SLC5A12: variants seen among roughly 807,000 people sequenced by gnomAD.
The protein encoded by SLC5A12 is solute carrier family 5 member 12, also known as sodium-coupled monocarboxylate transporter 2.
Under a neutral mutation model 72.7 loss-of-function variants are expected in SLC5A12, and 46 were observed. That is an observed-to-expected ratio of 0.63 (90% confidence interval 0.50 to 0.81). The LOEUF is 0.81. Among genes scored for constraint, SLC5A12 ranks in the 30% least tolerant of loss-of-function variants. The pLI, the probability that SLC5A12 is intolerant of heterozygous loss-of-function variation, is 0.00. For synonymous variants in SLC5A12, 275 were observed against 264.4 expected (o/e 1.04, Z -0.39); for missense variants, 683 against 740.7 (o/e 0.92, Z 0.90).
In SLC5A12 at chr11:26,683,853, A is replaced by G; in HGVS notation, c.1222-10T>C. On this transcript the variant is annotated splice_polypyrimidine_tract_variant and intron_variant, in intron 10 of 14. Coordinates refer to ENST00000396005, the MANE Select transcript of SLC5A12 (RefSeq NM_178498.4). ...GAATGCTGAGGGAAGCCTGTGGAAC[A>G]AAGGCAGACCAGATGAATCCCCTAC... 1 of 1,584,248 alleles carries G rather than the reference A, an allele frequency of 6.3e-7. No homozygotes were observed. The highest frequency in any genetic ancestry group is 1.2e-5 in the South Asian group (1 of 86,728).
intron 8 of SLC5A12, among the ~76,000 whole-genome samples, chr11:26,696,202 C>T (rs1451839032): frequency 1.3e-5 from 2 of 152,196 alleles, no homozygotes; most frequent in Admixed American, 6.5e-5. Flanking sequence ...AAAGCAAACT[C>T]TATATAAGTG....
rs144084496 is a variant in SLC5A12, at chr11:26,683,932, A to T, written c.1222-89T>A. 5.0e-6 allele frequency: 5 copies of T among 998,582 alleles called. No individual in the cohort carries two copies. In the South Asian group the frequency reaches 5.6e-5, roughly 11 times the overall value. The allele number at this position is 998,582 out of a possible 1,614,324, so 61.9% of individuals were successfully genotyped here. ...ATACCTCTCTTGGACCTGGGATAAT[A>T]TTGGGTCCTAGTCCTGACTGTGCCA... On this transcript the variant is annotated intron_variant, in intron 10 of 14. Transcript: ENST00000396005.
chr11:26,686,335 C>A, intron 10 of SLC5A12, 142 bp downstream of exon 10: 1 of 639,734 alleles, frequency 1.6e-6, no homozygotes, highest in African/African-American at 1.8e-5. Flanking sequence ...ATTGATTTTA[C>A]ATGCATTTTA....
At chr11:26,694,364 G>A (rs1854757095) in intron 8 of SLC5A12, among the ~76,000 whole-genome samples, 1 of 152,068 alleles carries the variant, frequency 6.6e-6, no homozygotes, top group Non-Finnish European at 1.5e-5. Context: ...TCTTTCATGG[G>A]GGATATAATC....
intron 6 of SLC5A12, among the ~76,000 whole-genome samples, chr11:26,701,853 G>C (rs10047424): frequency 8.4e-4 from 127 of 152,028 alleles, no homozygotes; most frequent in African/African-American, 2.9e-3. Context: ...TGGCCTTCTC[G>C]AGGCATTACT....
chr11:26,695,643 G>A (rs1045933312), intron 8 of SLC5A12, among the ~76,000 whole-genome samples: 3 of 152,054 alleles, frequency 2.0e-5, no homozygotes, highest in Non-Finnish European at 2.9e-5. Flanking sequence ...CCTTAACCTA[G>A]GTCAATTGGC....
chr11:26,698,946 A>G (rs4131958), intron 6 of SLC5A12, among the ~76,000 whole-genome samples: 140,357 of 152,178 alleles, frequency 0.92, 64,872 homozygotes, highest in Middle Eastern at 0.98. Flanking sequence ...TTTTCCAGAG[A>G]GATAATGAGC....
intron 8 of SLC5A12, among the ~76,000 whole-genome samples, chr11:26,693,315 G>T (rs865994596): frequency 3.3e-5 from 5 of 152,158 alleles, no homozygotes; most frequent in African/African-American, 1.2e-4. Context: ...ACATAAAAAG[G>T]AGCTGTTACA....
chr11:26,693,879 T>C (rs193256511), intron 8 of SLC5A12, among the ~76,000 whole-genome samples: 50 of 152,208 alleles, frequency 3.3e-4, no homozygotes, highest in African/African-American at 1.2e-3. Flanking sequence ...AATCAAAACA[T>C]GATATGTGAT....
chr11:26,718,624 G>GTA (rs1855406909), intron 1 of SLC5A12, among the ~76,000 whole-genome samples: 1 of 420 alleles, frequency 2.4e-3, no homozygotes, highest in South Asian at 0.1. Flanking sequence ...CTAATTTTGT[G>GTA]TGTGTGTGTG....
At chr11:26,681,269 A>G in intron 11 of SLC5A12, 48 bp from the exon 12 acceptor site, 3 of 1,459,796 alleles carry the variant, frequency 2.1e-6, no homozygotes, top group Non-Finnish European at 2.7e-6. Context: ...AAAGCTGTCT[A>G]TGGAAAGAAT....
At chr11:26,703,171 GA>G (rs543909907) in intron 6 of SLC5A12, among the ~76,000 whole-genome samples, 70 of 152,204 alleles carry the variant, frequency 4.6e-4, no homozygotes, top group African/African-American at 1.4e-3. Flanking sequence ...AATAATAGTT[GA>G]AAAGACCACA....
At position 26,670,420 on chromosome 11, in the gene SLC5A12, G is replaced by T. The variant is rs544902724; in HGVS notation, c.*682C>A. On this transcript the variant is annotated 3_prime_UTR_variant, in exon 15 of 15. Transcript: ENST00000396005. ...GCATGGACAGCACAAAAGGAGCAAA[G>T]TTTTTAGTTATAATCACTCCCACTA... 2.6e-5 allele frequency: 4 copies of T among 152,092 alleles called. No individual in the cohort carries two copies. The East Asian group carries it at 7.8e-4, about 29-fold the overall frequency. The allele number at this position is 152,092 out of a possible 1,614,324, so 9.4% of individuals were successfully genotyped here.
At chr11:26,698,284 T>C in intron 7 of SLC5A12, 122 bp downstream of exon 7, 1 of 1,289,724 alleles carries the variant, frequency 7.8e-7, no homozygotes, top group Admixed American at 2.6e-5. Flanking sequence ...GAAACCAACT[T>C]CTTGGGGTTT....
Position 26,698,392 on chromosome 11 carries a change from A to T in SLC5A12, c.951+14T>A, listed in dbSNP as rs775662664. The T allele has an allele frequency of 1.2e-6, 2 of 1,612,554 alleles. No homozygotes were observed. The highest frequency in any genetic ancestry group is 4.5e-5 in the East Asian group (2 of 44,848). On this transcript the variant is annotated intron_variant, in intron 7 of 14. Transcript: ENST00000396005. ...ATTCCAGACACTCGCCACTGTCCTC[A>T]AGAAAACCCATACCTGGTCTGGTGC...
chr11:26,687,941 G>T (rs963766536), intron 9 of SLC5A12, among the ~76,000 whole-genome samples: 1 of 152,166 alleles, frequency 6.6e-6, no homozygotes, highest in Non-Finnish European at 1.5e-5. Flanking sequence ...TCATGAAAAA[G>T]GAGAGCCCTA....
At chr11:26,680,913 T>G (rs541119272) in intron 12 of SLC5A12, 142 bp downstream of exon 12, 6 of 700,292 alleles carry the variant, frequency 8.6e-6, no homozygotes, top group Non-Finnish European at 1.2e-5. Context: ...TGCGTGGCAC[T>G]CTTCAGTGCT....
Position 26,703,615 on chromosome 11 carries a change from G to T in SLC5A12, c.737C>A (p.Thr246Asn), listed in dbSNP as rs765873049. ...HTFWTITVGGTFTWLGIYGVN... is the reference protein window; with the variant it reads ...HTFWTITVGGNFTWLGIYGVN... Reference sequence around the variant, plus strand: ...CCCATAGATTCCGAGCCAAGTAAAAGTTCCTCCCACTGTGATAGTCCAAAA... The same window carrying T: ...CCCATAGATTCCGAGCCAAGTAAAATTTCCTCCCACTGTGATAGTCCAAAA... Residue 246 changes from threonine (T) to asparagine (N), a missense_variant, in exon 6 of 15, where the codon ACT becomes AAT. Thr to Asn is a moderately conservative substitution (Grantham distance 65, BLOSUM62 0). Transcript: ENST00000396005. The T allele has an allele frequency of 6.2e-7, 1 of 1,613,936 alleles. No homozygotes were observed.
Position 26,709,321 on chromosome 11 carries a change from G to A in SLC5A12, c.516C>T (p.Tyr172=), listed in dbSNP as rs777812572. ...ACAGCTAGATACATACCAGGGTACA[G>A]TAGAATGTGCAAACAATTCCTGTTG... is the stretch of plus-strand genomic sequence containing the variant. ...VFATGIVCTF[Y]CTLGGLKAVV... is the part of the protein sequence containing the mutation. The change falls in exon 4 of 15, where the codon TAC becomes TAT. Residue 172 remains tyrosine, a synonymous_variant. Coordinates refer to ENST00000396005, the MANE Select transcript of SLC5A12 (RefSeq NM_178498.4). 40 of 1,610,782 alleles carry A rather than the reference G, an allele frequency of 2.5e-5. No homozygotes were observed. In the South Asian group the frequency reaches 4.2e-4, roughly 17 times the overall value.
Sources: allele counts gnomAD v4.1 joint callset (sites outside exome capture counted in the v4.1 genomes callset), GRCh38; gene constraint gnomAD v4.1.1; transcripts MANE v1.5; gene names NCBI Gene and HGNC (gene_info 2026-07-23, HGNC 2026-07-21).